NECAB2: variants seen among roughly 807,000 people sequenced by gnomAD.
The protein encoded by NECAB2 is N-terminal EF-hand calcium-binding protein 2.
Under a neutral mutation model 51.9 loss-of-function variants are expected in NECAB2, and 68 were observed. The ratio of observed to expected loss-of-function variants is 1.31; its 90% CI spans 1.08 to 1.60. The LOEUF (loss-of-function observed/expected upper bound fraction) is 1.60, where lower values mean the gene tolerates loss of function less well. Ranked by LOEUF, NECAB2 falls within the 40% of genes most tolerant of loss-of-function variation. NECAB2 has a pLI of 0.00. For synonymous variants in NECAB2, 329 were observed against 203.5 expected, an observed-to-expected ratio of 1.62 and a Z score of -5.25; for missense variants, 854 against 490.3, an observed-to-expected ratio of 1.74 and a Z score of -7.00.
At chr16:83,999,342 T>C (rs1047882604) in intron 10 of NECAB2, among the ~76,000 whole-genome samples, 14 of 152,134 alleles carry the variant, frequency 9.2e-5, no homozygotes, top group Non-Finnish European at 2.1e-4. Context: ...TCTTTTTCCA[T>C]TACGTGAATA....
At chr16:83,986,507 C>A (rs1327756333) in intron 5 of NECAB2, among the ~76,000 whole-genome samples, 1 of 152,084 alleles carries the variant, frequency 6.6e-6, no homozygotes, top group African/African-American at 2.4e-5. Flanking sequence ...GACAAACTTC[C>A]TGTGCATTTC....
intron 6 of NECAB2, among the ~76,000 whole-genome samples, chr16:83,992,964 G>T (rs1042587124): frequency 1.3e-5 from 2 of 152,196 alleles, no homozygotes; most frequent in Non-Finnish European, 2.9e-5. Flanking sequence ...TTTCAGGGCA[G>T]ACTTCCCACA....
chr16:83,975,740 G>A (rs540526010), intron 2 of NECAB2, among the ~76,000 whole-genome samples: 2 of 152,068 alleles, frequency 1.3e-5, no homozygotes, highest in African/African-American at 4.8e-5. Context: ...GGACATGGAC[G>A]CTGACAGGCT....
intron 5 of NECAB2, among the ~76,000 whole-genome samples, chr16:83,985,313 CAAAA>C (rs71148868): frequency 4.6e-4 from 14 of 30,168 alleles, no homozygotes; most frequent in African/African-American, 7.9e-4. Flanking sequence ...ATCTCTGTCT[CAAAA>C]AAAAAAAAAA....
At chr16:83,967,887 T>G (rs1242922349), upstream of NECAB2, among the ~76,000 whole-genome samples, 5 of 139,738 alleles carry the variant, frequency 3.6e-5, no homozygotes, top group African/African-American at 1.4e-4. Flanking sequence ...GGAGGGTGGG[T>G]GGATGGATGG....
chr16:83,988,652 C>T (rs376446868), intron 5 of NECAB2, among the ~76,000 whole-genome samples: 1 of 152,206 alleles, frequency 6.6e-6, no homozygotes, highest in African/African-American at 2.4e-5. Flanking sequence ...AGGACAAACT[C>T]TTAAGCATTG....
At chr16:83,993,878 G>T (rs1023349282) in intron 6 of NECAB2, among the ~76,000 whole-genome samples, 6 of 152,088 alleles carry the variant, frequency 3.9e-5, no homozygotes, top group African/African-American at 7.2e-5. Context: ...TTGAAACCAG[G>T]TCCCCCACCC....
chr16:83,968,084 C>A (rs72791584), upstream of NECAB2, among the ~76,000 whole-genome samples: 3,651 of 151,762 alleles, frequency 0.024, 54 homozygotes, highest in Non-Finnish European at 0.036. Context: ...TGGTTCTGGG[C>A]GTTTTGTAAC....
At chr16:83,984,434 G>C (rs1479428813) in intron 5 of NECAB2, among the ~76,000 whole-genome samples, 1 of 151,106 alleles carries the variant, frequency 6.6e-6, no homozygotes, top group Non-Finnish European at 1.5e-5. Flanking sequence ...TTCAATAAAA[G>C]ATCTGCTGCC....
rs540672557 is a variant in NECAB2, at chr16:84,000,848, G to A, written c.1040+47G>A. The A allele has an allele frequency of 1.3e-5, 20 of 1,565,862 alleles. No homozygotes were observed. The African/African-American group carries it at 2.5e-4, about 20-fold the overall frequency. Reference sequence around the variant, plus strand: ...GCAGGTGAGGGAGACAGAGGGAAGTGGGGGGGCTGTCTTCCTGGAGCCAGG... The same window carrying A: ...GCAGGTGAGGGAGACAGAGGGAAGTAGGGGGGCTGTCTTCCTGGAGCCAGG... On this transcript the variant is annotated intron_variant, in intron 11 of 12. Transcript: ENST00000305202.
chr16:83,990,425 G>C, intron 5 of NECAB2, 69 bp from the exon 6 acceptor site: 1 of 1,582,896 alleles, frequency 6.3e-7, no homozygotes, highest in Non-Finnish European at 8.6e-7. Flanking sequence ...CCCAACTCCT[G>C]TGCTAGACCC....
In NECAB2 at chr16:84,002,325, G is replaced by C. The variant is rs368940900; in HGVS notation, c.1140G>C (p.Trp380Cys). ...ALSRILVPAA[W>C]CTVGRD ...GTGTCTCTCTCCTTTTAGCTGCTTG[G>C]TGCACGGTGGGACGGGACTGACAGC... The change falls in exon 13 of 13, where the codon TGG (tryptophan) becomes TGC (cysteine). Residue 380 changes from tryptophan to cysteine, a missense_variant. Physicochemically the swap from Trp to Cys is radical, Grantham distance 215. Coordinates refer to ENST00000305202, the MANE Select transcript of NECAB2 (RefSeq NM_019065.3). 9.3e-6 allele frequency: 15 copies of C among 1,613,938 alleles called. No homozygotes were observed. In the Admixed American group the frequency reaches 1.8e-4, roughly 20 times the overall value.
intron 3 of NECAB2, among the ~76,000 whole-genome samples, chr16:83,979,614 G>A (rs2084458903): frequency 6.6e-6 from 1 of 152,128 alleles, no homozygotes. Context: ...CTTTGAAGGG[G>A]CCAGGCAGGT....
intron 2 of NECAB2, among the ~76,000 whole-genome samples, chr16:83,974,885 G>A (rs1415763760): frequency 6.6e-6 from 1 of 150,846 alleles, no homozygotes; most frequent in African/African-American, 2.5e-5. Context: ...TGTGGGTGCA[G>A]GGATGAGAGC....
intron 6 of NECAB2, among the ~76,000 whole-genome samples, 168 bp downstream of exon 6, chr16:83,990,798 T>A (rs978946035): frequency 5.3e-5 from 8 of 152,074 alleles, no homozygotes; most frequent in African/African-American, 1.9e-4. Flanking sequence ...TAGGCACAAT[T>A]ATATACCTAA....
chr16:83,974,506 G>A (rs965867680), intron 2 of NECAB2, among the ~76,000 whole-genome samples: 17 of 152,140 alleles, frequency 1.1e-4, no homozygotes, highest in Admixed American at 8.5e-4. Context: ...AATTCGGTCT[G>A]GGGGAGGCTG....
chr16:83,966,512 G>A (rs1341508874), upstream of NECAB2, among the ~76,000 whole-genome samples: 2 of 152,148 alleles, frequency 1.3e-5, no homozygotes, highest in African/African-American at 4.8e-5. Flanking sequence ...GGGGGCAGTT[G>A]AGCGGGCAGC....
At chr16:83,990,376 C>T (rs986503391) in intron 5 of NECAB2, 118 bp from the exon 6 acceptor site, 4 of 1,367,642 alleles carry the variant, frequency 2.9e-6, no homozygotes, top group South Asian at 1.3e-5. Context: ...GGGGTCCTCC[C>T]TTCCCTTTGC....
intron 1 of NECAB2, among the ~76,000 whole-genome samples, chr16:83,969,924 G>T (rs1254375242): frequency 6.6e-6 from 1 of 152,194 alleles, no homozygotes; most frequent in East Asian, 1.9e-4. Context: ...CCCTTGGCCG[G>T]GGTCTGGGCT....
Sources: allele counts gnomAD v4.1 joint callset (sites outside exome capture counted in the v4.1 genomes callset), GRCh38; gene constraint gnomAD v4.1.1; transcripts MANE v1.5; gene names NCBI Gene and HGNC (gene_info 2026-07-23, HGNC 2026-07-21).